ARHGAP15: variants seen among roughly 807,000 people sequenced by gnomAD.
ARHGAP15 encodes rho GTPase-activating protein 15.
ARHGAP15 carries 51 observed loss-of-function variants against 63.7 expected under a neutral mutation model. The ratio of observed to expected loss-of-function variants is 0.80; its 90% CI spans 0.64 to 1.01. The LOEUF (loss-of-function observed/expected upper bound fraction) is 1.01, where lower values mean the gene tolerates loss of function less well. Among genes scored for constraint, ARHGAP15 ranks in the 50% least tolerant of loss-of-function variants. ARHGAP15 has a pLI of 0.00. For synonymous variants in ARHGAP15, 191 were observed against 193.8 expected (o/e 0.99, Z 0.12); for missense variants, 560 against 564.6 (o/e 0.99, Z 0.08).
chr2:143,241,463 A>G (rs1693858017), intron 5 of ARHGAP15, among the ~76,000 whole-genome samples: 1 of 152,222 alleles, frequency 6.6e-6, no homozygotes, highest in Non-Finnish European at 1.5e-5. Flanking sequence ...TGTCGTTATT[A>G]CTACATGAAG....
chr2:143,414,057 A>G (rs1000948156), intron 6 of ARHGAP15, among the ~76,000 whole-genome samples: 2 of 151,868 alleles, frequency 1.3e-5, no homozygotes, highest in Non-Finnish European at 2.9e-5. Context: ...AATACAAAAT[A>G]TTTTTAGAGG....
intron 9 of ARHGAP15, among the ~76,000 whole-genome samples, chr2:143,517,336 TAAATG>T (rs752777580): frequency 2.0e-5 from 3 of 152,224 alleles, no homozygotes; most frequent in Admixed American, 6.5e-5. Flanking sequence ...TCCTAAGAAA[TAAATG>T]AAAATTATGA....
intron 5 of ARHGAP15, among the ~76,000 whole-genome samples, chr2:143,239,582 C>T (rs1693778956): frequency 6.6e-6 from 1 of 152,178 alleles, no homozygotes; most frequent in Non-Finnish European, 1.5e-5. Flanking sequence ...CTTTTCCAAA[C>T]CACTCATTCA....
intron 6 of ARHGAP15, among the ~76,000 whole-genome samples, chr2:143,338,413 G>T (rs867574654): frequency 2.6e-5 from 4 of 152,248 alleles, no homozygotes; most frequent in East Asian, 1.9e-4. Flanking sequence ...TATTGTCAAG[G>T]AGCAAAACTA....
intron 2 of ARHGAP15, among the ~76,000 whole-genome samples, chr2:143,174,532 C>A (rs887706357): frequency 2.0e-5 from 3 of 152,104 alleles, no homozygotes; most frequent in Admixed American, 1.3e-4. Context: ...GTATGCTTAG[C>A]CCTACCTATT....
chr2:143,298,363 A>G (rs910692551), intron 6 of ARHGAP15, among the ~76,000 whole-genome samples: 1 of 152,014 alleles, frequency 6.6e-6, no homozygotes, highest in Non-Finnish European at 1.5e-5. Context: ...TTATCCTCTT[A>G]GTACACCATG....
At chr2:143,317,215 G>C (rs1004876911) in intron 6 of ARHGAP15, among the ~76,000 whole-genome samples, 1 of 152,120 alleles carries the variant, frequency 6.6e-6, no homozygotes, top group Non-Finnish European at 1.5e-5. Flanking sequence ...GTGCCTATAA[G>C]AGTACCAGAT....
At chr2:143,560,254 A>G (rs1322172598) in intron 11 of ARHGAP15, among the ~76,000 whole-genome samples, 6 of 152,374 alleles carry the variant, frequency 3.9e-5, no homozygotes, top group Middle Eastern at 3.4e-3. Flanking sequence ...AATTATAACT[A>G]GTAATGATGA....
At chr2:143,414,502 T>A (rs1414667359) in intron 6 of ARHGAP15, among the ~76,000 whole-genome samples, 3 of 152,130 alleles carry the variant, frequency 2.0e-5, no homozygotes, top group African/African-American at 7.2e-5. Context: ...AAATTGAAAT[T>A]TTCTCAATAG....
At chr2:143,218,805 A>G (rs923791657) in intron 4 of ARHGAP15, among the ~76,000 whole-genome samples, 4 of 152,150 alleles carry the variant, frequency 2.6e-5, no homozygotes, top group African/African-American at 9.7e-5. Context: ...GGCTACAAAC[A>G]TTTACAGTAT....
intron 11 of ARHGAP15, chr2:143,607,516 C>G (rs900050219): frequency 4.0e-5 from 6 of 151,442 alleles, no homozygotes; most frequent in Non-Finnish European, 5.9e-5. Context: ...CCTGTCCTGA[C>G]CTTAATGTTT....
chr2:143,755,564 C>G (rs6739981), intron 13 of ARHGAP15, among the ~76,000 whole-genome samples: 23,366 of 152,072 alleles, frequency 0.15, 2,192 homozygotes, highest in Admixed American at 0.28. Flanking sequence ...TATTCTTTCC[C>G]CCCTGCTAAC....
chr2:143,723,178 C>T (rs925845018), intron 13 of ARHGAP15, among the ~76,000 whole-genome samples: 5 of 152,156 alleles, frequency 3.3e-5, no homozygotes, highest in African/African-American at 1.2e-4. Flanking sequence ...TAGGCTATAC[C>T]ATCTAGGCTT....
At chr2:143,559,282 A>G (rs553651056) in intron 11 of ARHGAP15, among the ~76,000 whole-genome samples, 5 of 152,348 alleles carry the variant, frequency 3.3e-5, no homozygotes, top group African/African-American at 1.2e-4. Flanking sequence ...ATCTGCAATG[A>G]AAATATGAAA....
chr2:143,542,699 A>G (rs1024563777), intron 10 of ARHGAP15, among the ~76,000 whole-genome samples: 1 of 141,630 alleles, frequency 7.1e-6, no homozygotes, highest in South Asian at 2.1e-4. Flanking sequence ...AGTATCACAT[A>G]TATAATATAT....
chr2:143,475,901 T>C (rs1339279892), intron 8 of ARHGAP15, among the ~76,000 whole-genome samples: 1 of 152,228 alleles, frequency 6.6e-6, no homozygotes, highest in African/African-American at 2.4e-5. Flanking sequence ...TGCAATTTAT[T>C]TTCCTTTAAA....
chr2:143,589,599 C>T (rs959198220), intron 11 of ARHGAP15, among the ~76,000 whole-genome samples: 1 of 152,150 alleles, frequency 6.6e-6, no homozygotes, highest in African/African-American at 2.4e-5. Context: ...GTGCTCTTAG[C>T]CACTTTGCAT....
intron 2 of ARHGAP15, among the ~76,000 whole-genome samples, chr2:143,190,873 C>T (rs534982717): frequency 2.0e-5 from 3 of 152,166 alleles, no homozygotes; most frequent in South Asian, 2.1e-4. Flanking sequence ...CGGGTTCAAG[C>T]GATTCTCCTG....
At chr2:143,172,803 G>A (rs954387025) in intron 2 of ARHGAP15, among the ~76,000 whole-genome samples, 1 of 152,082 alleles carries the variant, frequency 6.6e-6, no homozygotes, top group Non-Finnish European at 1.5e-5. Flanking sequence ...GTGTCATAGG[G>A]ACAATCAATT....
Sources: allele counts gnomAD v4.1 joint callset (sites outside exome capture counted in the v4.1 genomes callset), GRCh38; gene constraint gnomAD v4.1.1; transcripts MANE v1.5; gene names NCBI Gene and HGNC (gene_info 2026-07-23, HGNC 2026-07-21).